The following SEMA3A variants were observed in gnomAD, a reference collection of about 807,000 sequenced individuals.
The protein encoded by SEMA3A is semaphorin-3A.
SEMA3A carries 29 observed loss-of-function variants against 97.9 expected under a neutral mutation model. That is an observed-to-expected ratio of 0.30 (90% CI 0.22 to 0.40). The LOEUF (loss-of-function observed/expected upper bound fraction) is 0.40. SEMA3A is among the 10% of genes least tolerant of loss of function. The pLI, the probability that SEMA3A is intolerant of heterozygous loss-of-function variation, is 1.00. For missense variants in SEMA3A, 763 were observed against 951.3 expected, an observed-to-expected ratio of 0.80 and a Z score of 2.60; for synonymous variants, 321 against 323.7, an observed-to-expected ratio of 0.99 and a Z score of 0.09.
At chr7:83,980,524 G>A (rs1385716836) in intron 14 of SEMA3A, among the ~76,000 whole-genome samples, 1 of 147,496 alleles carries the variant, frequency 6.8e-6, no homozygotes, top group Non-Finnish European at 1.5e-5. Flanking sequence ...AGAATCTCTT[G>A]AACCTGGGAG....
intron 1 of SEMA3A, among the ~76,000 whole-genome samples, chr7:84,150,569 G>A (rs374632176): frequency 3.9e-5 from 6 of 152,236 alleles, no homozygotes; most frequent in Middle Eastern, 3.4e-3. Flanking sequence ...ATTATATCCC[G>A]CACCTGGCTC....
chr7:84,336,460 T>A (rs1211098876), intron 2 of SEMA3A, among the ~76,000 whole-genome samples: 1 of 152,136 alleles, frequency 6.6e-6, no homozygotes, highest in African/African-American at 2.4e-5. Flanking sequence ...TAAAATAGAG[T>A]ATATACTATG....
In SEMA3A at chr7:84,403,146, G is replaced by C. The variant is rs139086249; in HGVS notation, c.-245-31246C>G. Among the ~76,000 whole-genome samples the C allele has an allele frequency of 3.0e-3, 462 of 152,270 alleles. 3 individuals carry two copies. Among genetic ancestry groups the C allele is most frequent in the African/African-American group, 0.011 (445 of 41,558 alleles). On this transcript the variant is annotated intron_variant, in intron 1 of 3. Coordinates refer to the SEMA3A transcript ENST00000424555. Reference sequence around the variant, plus strand: ...AGGGATCAGGGAATTCCCTTTCCTAGTCAAAGAAAGGGGTGACAGATGGCA... The same window carrying C: ...AGGGATCAGGGAATTCCCTTTCCTACTCAAAGAAAGGGGTGACAGATGGCA...
At chr7:84,142,541 G>A (rs751696252) in intron 1 of SEMA3A, among the ~76,000 whole-genome samples, 2 of 152,020 alleles carry the variant, frequency 1.3e-5, no homozygotes, top group Non-Finnish European at 2.9e-5. Flanking sequence ...GCTTTTCTCC[G>A]TAAACACTTC....
chr7:83,988,433 G>A (rs1182493951), intron 12 of SEMA3A, among the ~76,000 whole-genome samples: 7 of 151,908 alleles, frequency 4.6e-5, no homozygotes, highest in Admixed American at 3.3e-4. Flanking sequence ...TTCACCATGT[G>A]TTAGCCAGGA....
chr7:84,292,181 A>C (rs1335468609), intron 3 of SEMA3A, among the ~76,000 whole-genome samples: 1 of 152,090 alleles, frequency 6.6e-6, no homozygotes, highest in Non-Finnish European at 1.5e-5. Flanking sequence ...AATCTTTACA[A>C]AAGAAAACTC....
At chr7:84,047,279 G>A (rs1241452757) in intron 5 of SEMA3A, among the ~76,000 whole-genome samples, 3 of 152,030 alleles carry the variant, frequency 2.0e-5, no homozygotes, top group Non-Finnish European at 2.9e-5. Context: ...AGACAAGAAG[G>A]GGGTAAAAGA....
rs537060890 is a variant in SEMA3A, at chr7:84,128,557, T to C, written c.333+566A>G. Among the ~76,000 whole-genome samples the C allele has an allele frequency of 3.9e-5, 6 of 152,248 alleles. 1 individual carries two copies. The South Asian group carries it at 1.2e-3, about 32-fold the overall frequency. On this transcript the variant is annotated intron_variant, in intron 3 of 16. Coordinates refer to ENST00000265362, the MANE Select transcript of SEMA3A (RefSeq NM_006080.3). Reference sequence around the variant, plus strand: ...GAGACCATATTTTTGCTTTAAGGAATATTCTTATTTTTACATACATTCTAT... The same window carrying C: ...GAGACCATATTTTTGCTTTAAGGAACATTCTTATTTTTACATACATTCTAT...
At chr7:84,178,914 T>C (rs541156320) in intron 1 of SEMA3A, among the ~76,000 whole-genome samples, 2 of 152,320 alleles carry the variant, frequency 1.3e-5, no homozygotes, top group East Asian at 3.9e-4. Flanking sequence ...TCATTCATTC[T>C]ACTTCCTTCA....
At chr7:84,229,620 T>A (rs1799070818) in intron 3 of SEMA3A, among the ~76,000 whole-genome samples, 1 of 152,118 alleles carries the variant, frequency 6.6e-6, no homozygotes, top group African/African-American at 2.4e-5. Flanking sequence ...TCTATATCAA[T>A]GTTAGTTCAT....
intron 14 of SEMA3A, among the ~76,000 whole-genome samples, chr7:83,980,609 A>AAAAAAAAAAC (rs1255442260): frequency 1.0e-4 from 7 of 69,842 alleles, no homozygotes; most frequent in Non-Finnish European, 2.0e-4. Context: ...ATCTCAAAAA[A>AAAAAAAAAAC]AAAAAAAAAA....
chr7:84,010,878 T>A (rs889655234), intron 9 of SEMA3A, 144 bp downstream of exon 9: 53 of 570,198 alleles, frequency 9.3e-5, no homozygotes, highest in Admixed American at 4.4e-4. Context: ...AGATCATAAC[T>A]TCTTTCAGTC....
chr7:84,168,070 A>G (rs541787699), intron 1 of SEMA3A, among the ~76,000 whole-genome samples: 1 of 152,252 alleles, frequency 6.6e-6, no homozygotes, highest in African/African-American at 2.4e-5. Context: ...GGTATTACCT[A>G]TGAAGAAATA....
At chr7:84,066,038 C>A (rs552028681) in intron 4 of SEMA3A, among the ~76,000 whole-genome samples, 2 of 151,396 alleles carry the variant, frequency 1.3e-5, no homozygotes, top group Non-Finnish European at 2.9e-5. Context: ...ACTGGCAAAC[C>A]GAATCCAGCA....
chr7:84,045,401 T>C (rs1792309089), intron 6 of SEMA3A, among the ~76,000 whole-genome samples: 1 of 151,864 alleles, frequency 6.6e-6, no homozygotes, highest in Admixed American at 6.6e-5. Flanking sequence ...GGTGGCTTTA[T>C]TTTTTAAGAT....
intron 12 of SEMA3A, among the ~76,000 whole-genome samples, chr7:83,995,145 A>G (rs1313913355): frequency 6.6e-5 from 10 of 152,122 alleles, no homozygotes; most frequent in Non-Finnish European, 1.3e-4. Flanking sequence ...TGCGCTTCCC[A>G]AGTGAGGCAA....
At chr7:84,348,124 T>C (rs112209005) in intron 2 of SEMA3A, among the ~76,000 whole-genome samples, 3,496 of 152,218 alleles carry the variant, frequency 0.023, 135 homozygotes, top group African/African-American at 0.079. Flanking sequence ...ATGTCTCTTT[T>C]AAAAAAGTCA....
At chr7:84,085,560 G>C (rs1379706292) in intron 4 of SEMA3A, among the ~76,000 whole-genome samples, 3 of 151,964 alleles carry the variant, frequency 2.0e-5, no homozygotes, top group African/African-American at 7.2e-5. Context: ...TAGCACAACT[G>C]TAAATTTTAA....
intron 6 of SEMA3A, 93 bp from the exon 7 acceptor site, chr7:84,014,444 T>C: frequency 2.1e-6 from 2 of 946,930 alleles, no homozygotes; most frequent in Non-Finnish European, 3.1e-6. Context: ...AACTCTTAAT[T>C]GATATATTTC....
Sources: gnomAD v4.1 joint callset for allele counts (sites outside exome capture counted in the v4.1 genomes callset) on GRCh38, gnomAD v4.1.1 for gene constraint, MANE v1.5 for transcripts, NCBI Gene and HGNC (gene_info 2026-07-23, HGNC 2026-07-21) for gene names.